USP12: variants seen among roughly 807,000 people sequenced by gnomAD.
USP12 encodes the protein ubiquitin carboxyl-terminal hydrolase 12.
USP12 carries 19 observed loss-of-function variants against 45.5 expected under a neutral mutation model. The observed-to-expected ratio is 0.42, with a 90% CI of 0.29 to 0.61. The LOEUF (loss-of-function observed/expected upper bound fraction) is 0.61. Ranked by LOEUF, USP12 falls within the 20% of genes least tolerant of loss-of-function variation. The pLI is 0.22. For missense variants in USP12, 242 were observed against 447.7 expected (o/e 0.54, Z 4.15); for synonymous variants, 149 against 148.8 (o/e 1.00, Z -0.01).
chr13:27,168,778 A>G (rs181322401), intron 1 of USP12, among the ~76,000 whole-genome samples: 14 of 152,378 alleles, frequency 9.2e-5, no homozygotes, highest in African/African-American at 2.9e-4. Context: ...CTAGTGATCT[A>G]AAATAAGACA....
intron 1 of USP12, among the ~76,000 whole-genome samples, chr13:27,145,223 T>A (rs528831560): frequency 2.6e-5 from 4 of 152,336 alleles, no homozygotes; most frequent in Non-Finnish European, 4.4e-5. Context: ...TCTTGAAGAA[T>A]GACAGGTGGC....
chr13:27,081,377 A>G (rs1873750746), intron 6 of USP12, among the ~76,000 whole-genome samples: 1 of 152,234 alleles, frequency 6.6e-6, no homozygotes, highest in Non-Finnish European at 1.5e-5. Context: ...TTCCATAAGA[A>G]GCAACTTCTC....
intron 2 of USP12, among the ~76,000 whole-genome samples, chr13:27,106,844 C>G (rs1161904266): frequency 1.3e-5 from 2 of 151,822 alleles, no homozygotes; most frequent in African/African-American, 4.8e-5. Flanking sequence ...TTTGTACCCC[C>G]TATCTTTTCT....
chr13:27,091,031 A>G (rs1380735898), intron 4 of USP12, among the ~76,000 whole-genome samples: 1 of 152,210 alleles, frequency 6.6e-6, no homozygotes, highest in Non-Finnish European at 1.5e-5. Context: ...TAAGCTAACC[A>G]TAGGACCGAA....
At chr13:27,082,983 G>A (rs1312893891) in intron 6 of USP12, among the ~76,000 whole-genome samples, 2 of 152,164 alleles carry the variant, frequency 1.3e-5, no homozygotes, top group Non-Finnish European at 2.9e-5. Flanking sequence ...TTATAGGCAT[G>A]CGCCACCACG....
intron 2 of USP12, among the ~76,000 whole-genome samples, chr13:27,114,834 A>T (rs1057017447): frequency 6.6e-6 from 1 of 151,716 alleles, no homozygotes; most frequent in Non-Finnish European, 1.5e-5. Context: ...TAAATTTTTT[A>T]AAAATTAGAC....
chr13:27,124,564 G>T (rs1186613279), intron 1 of USP12, among the ~76,000 whole-genome samples: 1 of 152,194 alleles, frequency 6.6e-6, no homozygotes, highest in African/African-American at 2.4e-5. Flanking sequence ...AATGCAGCAT[G>T]TATCATTTTA....
chr13:27,159,585 C>G (rs568727163), intron 1 of USP12, among the ~76,000 whole-genome samples: 2 of 152,300 alleles, frequency 1.3e-5, no homozygotes, highest in African/African-American at 4.8e-5. Context: ...CCCAAATATC[C>G]TAACTCTCTT....
intron 1 of USP12, among the ~76,000 whole-genome samples, chr13:27,142,707 G>A (rs1187786394): frequency 6.6e-6 from 1 of 152,060 alleles, no homozygotes; most frequent in Non-Finnish European, 1.5e-5. Flanking sequence ...TGGCAAAATC[G>A]AGACTAATTT....
chr13:27,110,127 T>TAAAAAAAAAAA (rs1555234986), intron 2 of USP12, among the ~76,000 whole-genome samples: 6 of 119,628 alleles, frequency 5.0e-5, no homozygotes, highest in African/African-American at 1.6e-4. Context: ...CTTTTCCAGG[T>TAAAAAAAAAAA]AAAAAAAAAA....
At chr13:27,169,366 A>C (rs74042507) in intron 1 of USP12, among the ~76,000 whole-genome samples, 14,107 of 152,148 alleles carry the variant, frequency 0.093, 873 homozygotes, top group African/African-American at 0.17. Context: ...AGCCTAGCAA[A>C]ACAGCACCTA....
chr13:27,143,007 C>T (rs1032816963), intron 1 of USP12, among the ~76,000 whole-genome samples: 2 of 151,624 alleles, frequency 1.3e-5, no homozygotes, highest in East Asian at 1.9e-4. Flanking sequence ...GCAGGAGAAT[C>T]GCTTGAACTG....
chr13:27,154,609 G>A (rs1359637373), intron 1 of USP12, among the ~76,000 whole-genome samples: 1 of 151,960 alleles, frequency 6.6e-6, no homozygotes, highest in Admixed American at 6.5e-5. Context: ...GGCATATCAG[G>A]AATTGATTTT....
At chr13:27,152,045 A>G (rs1877590664) in intron 1 of USP12, among the ~76,000 whole-genome samples, 1 of 152,186 alleles carries the variant, frequency 6.6e-6, no homozygotes, top group Admixed American at 6.5e-5. Flanking sequence ...ACAGCCATAC[A>G]CTGTTGGCAG....
chr13:27,074,040 G>A (rs1184999774), intron 7 of USP12, among the ~76,000 whole-genome samples: 8 of 152,174 alleles, frequency 5.3e-5, no homozygotes, highest in Non-Finnish European at 2.9e-5. Context: ...ACCCAAGGCT[G>A]ACCCAGGCAA....
chr13:27,097,562 G>A (rs1874648568), intron 3 of USP12, among the ~76,000 whole-genome samples: 2 of 152,286 alleles, frequency 1.3e-5, no homozygotes, highest in South Asian at 4.1e-4. Flanking sequence ...GGGTAGGAGG[G>A]CACAGCTGCT....
rs183301737 is a variant in USP12, at chr13:27,113,692, C to G, written c.129+2824G>C. 2.7e-3 allele frequency among the ~76,000 whole-genome samples: 412 copies of G among 152,294 alleles called. 5 individuals carry two copies. The highest frequency in any genetic ancestry group is 0.019 in the Admixed American group (290 of 15,296). On this transcript the variant is annotated intron_variant, in intron 2 of 8. Coordinates refer to ENST00000282344, the MANE Select transcript of USP12 (RefSeq NM_182488.4). The stretch of plus-strand genomic sequence containing the variant: ...ATCAATCAAAGCCCTTTTACAGCCC[C>G]TAAAACAGGGCTGGACGCTTGGTAC...
At chr13:27,160,183 G>C (rs1009528608) in intron 1 of USP12, among the ~76,000 whole-genome samples, 1 of 152,162 alleles carries the variant, frequency 6.6e-6, no homozygotes, top group African/African-American at 2.4e-5. Flanking sequence ...GATTTCACTT[G>C]TATCTTTTTA....
chr13:27,171,692 G>A lies in USP12; in HGVS notation c.-53C>T. On this transcript the variant is annotated 5_prime_UTR_variant, in exon 1 of 9. Transcript: ENST00000282344. ...ACAGCGGCGGCGGCGGGCGGGGGAGGAGGGGAGCCGGGCCGCCCGCTCGCA... is the reference window on the plus strand; with the variant it reads ...ACAGCGGCGGCGGCGGGCGGGGGAGAAGGGGAGCCGGGCCGCCCGCTCGCA... The A allele has an allele frequency of 2.6e-6, 3 of 1,157,728 alleles. No homozygotes were observed. The highest frequency in any genetic ancestry group is 1.7e-5 in the South Asian group (1 of 58,286). 71.7% of individuals were successfully genotyped at this position (1,157,728 alleles called of 1,614,324 possible). A position where few individuals can be genotyped will look rare whatever the true frequency, so the allele number is the denominator to read the frequency against.
Sources: allele counts gnomAD v4.1 joint callset (sites outside exome capture counted in the v4.1 genomes callset), GRCh38; gene constraint gnomAD v4.1.1; transcripts MANE v1.5; gene names NCBI Gene and HGNC (gene_info 2026-07-23, HGNC 2026-07-21).